UNC80: variants seen among roughly 807,000 people sequenced by gnomAD.
The protein encoded by UNC80 is protein unc-80 homolog.
Under a neutral mutation model 384.6 loss-of-function variants are expected in UNC80, and 164 were observed. That is an observed-to-expected ratio of 0.43 (90% CI 0.38 to 0.49). The LOEUF (loss-of-function observed/expected upper bound fraction) is 0.49, where lower values mean the gene tolerates loss of function less well. Ranked by LOEUF, UNC80 falls within the 20% of genes least tolerant of loss-of-function variation. The pLI is 0.00. For synonymous variants in UNC80, 1,486 were observed against 1,527.8 expected (o/e 0.97, Z 0.64); for missense variants, 3,330 against 4,143.0 (o/e 0.80, Z 5.39).
Position 209,905,015 on chromosome 2 carries a change from A to C in UNC80, c.4782+50A>C, listed in dbSNP as rs577757293. ...ATTCTAATACTAGAAACATGATGTC[A>C]TAACAATTTCTTCTCTGGAAATAAG... is the stretch of plus-strand genomic sequence containing the variant. On this transcript the variant is annotated intron_variant, in intron 29 of 64. Coordinates refer to ENST00000673920, the MANE Select transcript of UNC80 (RefSeq NM_001371986.1). 8.7e-5 allele frequency: 134 copies of C among 1,532,432 alleles called. No individual in the cohort carries two copies. The African/African-American group carries it at 1.7e-3, about 20-fold the overall frequency. The allele number at this position is 1,532,432 out of a possible 1,614,324, so 94.9% of individuals were successfully genotyped here.
intron 29 of UNC80, among the ~76,000 whole-genome samples, chr2:209,911,814 T>C (rs1302796791): frequency 6.6e-6 from 1 of 152,192 alleles, no homozygotes. Flanking sequence ...TTAGGTTCAG[T>C]CCTTCTCCCA....
chr2:209,816,092 TTAA>T (rs1247009946), intron 9 of UNC80, among the ~76,000 whole-genome samples: 3 of 152,248 alleles, frequency 2.0e-5, no homozygotes, highest in African/African-American at 2.4e-5. Flanking sequence ...TCTGCCTTTG[TTAA>T]TGATGCAACA....
chr2:209,875,890 G>A (rs1195874108), intron 23 of UNC80, among the ~76,000 whole-genome samples: 1 of 151,916 alleles, frequency 6.6e-6, no homozygotes, highest in Non-Finnish European at 1.5e-5. Context: ...TATTTCAGTG[G>A]CTTTTGGGGT....
chr2:209,809,256 A>G lies in UNC80; in HGVS notation c.939-4324A>G. 5 of 729,266 alleles carry G rather than the reference A, an allele frequency of 6.9e-6. No individual in the cohort carries two copies. In the South Asian group the frequency reaches 7.3e-5, roughly 11 times the overall value. The allele number at this position is 729,266 out of a possible 1,614,324, so 45.2% of individuals were successfully genotyped here. ...AGTTTCAAAAAGCCTTCAACTGCCA[A>G]TACTGCAATAAGGAATGCCTCAGCC... On this transcript the variant is annotated intron_variant, in intron 7 of 64. Transcript: ENST00000673920.
intron 56 of UNC80, 92 bp downstream of exon 56, chr2:209,973,362 A>G: frequency 4.2e-6 from 5 of 1,191,880 alleles, no homozygotes; most frequent in Non-Finnish European, 5.8e-6. Flanking sequence ...AAATAAATAA[A>G]TAGATGTACT....
intron 25 of UNC80, among the ~76,000 whole-genome samples, chr2:209,886,409 A>G (rs2085812192): frequency 6.6e-6 from 1 of 151,808 alleles, no homozygotes; most frequent in Non-Finnish European, 1.5e-5. Flanking sequence ...AAGACCCCAT[A>G]TCTACAAAAA....
chr2:209,885,961 C>T (rs1427615293), intron 25 of UNC80, among the ~76,000 whole-genome samples: 1 of 151,892 alleles, frequency 6.6e-6, no homozygotes, highest in Non-Finnish European at 1.5e-5. Flanking sequence ...GACGGGGTTT[C>T]ACCATATTGG....
chr2:209,912,887 G>T (rs1342871338), intron 30 of UNC80, among the ~76,000 whole-genome samples: 1 of 152,060 alleles, frequency 6.6e-6, no homozygotes, highest in Non-Finnish European at 1.5e-5. Context: ...GGGAACTTCG[G>T]TTCGAACCAC....
intron 28 of UNC80, among the ~76,000 whole-genome samples, chr2:209,901,163 A>C (rs1211378625): frequency 6.6e-6 from 1 of 152,220 alleles, no homozygotes; most frequent in East Asian, 1.9e-4. Flanking sequence ...TTTTGTTAGA[A>C]GAAAATGCCA....
chr2:209,830,506 C>G (rs956084538), intron 15 of UNC80, among the ~76,000 whole-genome samples: 2 of 152,100 alleles, frequency 1.3e-5, no homozygotes, highest in African/African-American at 4.8e-5. Flanking sequence ...TGTCAATTGG[C>G]ATAGACAGTG....
At position 209,934,004 on chromosome 2, in the gene UNC80, A is replaced by G. The variant is rs2124969784; in HGVS notation, c.6177A>G (p.Pro2059=). 6.5e-7 allele frequency: 1 copy of G among 1,537,778 alleles called. No individual in the cohort carries two copies. The highest frequency in any genetic ancestry group is 8.8e-7 in the Non-Finnish European group (1 of 1,140,584). ...EVKLLVTASM[P]GTKTLVVHGQ... ...AGCTCCTGGTGACCGCTTCAATGCCAGGTAAGCCACTACTACTTTTTAGTA... is the reference window on the plus strand; with the variant it reads ...AGCTCCTGGTGACCGCTTCAATGCCGGGTAAGCCACTACTACTTTTTAGTA... The change falls in exon 39 of 65, where the codon CCA becomes CCG. Residue 2059 remains proline (P), a splice_region_variant and synonymous_variant. Coordinates refer to ENST00000673920, the MANE Select transcript of UNC80 (RefSeq NM_001371986.1).
intron 18 of UNC80, among the ~76,000 whole-genome samples, chr2:209,836,346 A>ATT (rs138450605): frequency 4.0e-5 from 6 of 151,226 alleles, no homozygotes; most frequent in African/African-American, 1.5e-4. Context: ...AAAAGAAGAG[A>ATT]TTTTTTTTTT....
At chr2:209,934,965 C>T (rs2091146750) in intron 39 of UNC80, among the ~76,000 whole-genome samples, 1 of 152,140 alleles carries the variant, frequency 6.6e-6, no homozygotes, top group Non-Finnish European at 1.5e-5. Flanking sequence ...TGAGGTATAT[C>T]ATAATGTTCA....
In UNC80 at chr2:209,989,497, T is replaced by C. The variant is rs533946237; in HGVS notation, c.9315-2669T>C. ...ATTGGAGTATGATATTTTGTGACCA[T>C]AAAATACAATATAATATTTTAAAAT... On this transcript the variant is annotated intron_variant, in intron 61 of 64. Transcript: ENST00000673920. 4.6e-5 allele frequency among the ~76,000 whole-genome samples: 7 copies of C among 152,292 alleles called. No homozygotes were observed. The East Asian group carries it at 1.2e-3, about 25-fold the overall frequency.
chr2:209,819,406 C>A, intron 12 of UNC80, 145 bp downstream of exon 12: 4 of 659,396 alleles, frequency 6.1e-6, no homozygotes, highest in Non-Finnish European at 9.1e-6. Context: ...AAAAATTCAC[C>A]AATGTTTCAA....
At chr2:209,787,389 C>A (rs2077509122) in intron 5 of UNC80, among the ~76,000 whole-genome samples, 1 of 152,144 alleles carries the variant, frequency 6.6e-6, no homozygotes, top group Non-Finnish European at 1.5e-5. Context: ...TGGGCTATAA[C>A]CTTCATGCAA....
At chr2:209,779,685 G>C (rs1483767422) in intron 4 of UNC80, among the ~76,000 whole-genome samples, 1 of 152,124 alleles carries the variant, frequency 6.6e-6, no homozygotes, top group Non-Finnish European at 1.5e-5. Flanking sequence ...ACACTGAGTA[G>C]ACTTGTCATT....
At chr2:209,784,736 G>A (rs1370312285) in intron 4 of UNC80, among the ~76,000 whole-genome samples, 1 of 152,158 alleles carries the variant, frequency 6.6e-6, no homozygotes, top group African/African-American at 2.4e-5. Context: ...TGTATGCCTT[G>A]TTCACTGTTG....
intron 26 of UNC80, 22 bp from the exon 27 acceptor site, chr2:209,894,141 C>G (rs1450698520): frequency 1.0e-6 from 1 of 984,916 alleles, no homozygotes; most frequent in African/African-American, 1.7e-5. Flanking sequence ...GGAAAAAGCC[C>G]TATTTTATTC....
Sources: gnomAD v4.1 joint callset for allele counts (sites outside exome capture counted in the v4.1 genomes callset) on GRCh38, gnomAD v4.1.1 for gene constraint, MANE v1.5 for transcripts, NCBI Gene and HGNC (gene_info 2026-07-23, HGNC 2026-07-21) for gene names.